FBXO11: variants seen among roughly 807,000 people sequenced by gnomAD.
The protein encoded by FBXO11 is F-box only protein 11.
In FBXO11, 13 loss-of-function variants were observed where a neutral mutation model predicts 117.0. That is an observed-to-expected ratio of 0.11 (90% CI 0.07 to 0.18). FBXO11 has a LOEUF of 0.18. Ranked by LOEUF, FBXO11 falls within the 10% of genes least tolerant of loss-of-function variation. FBXO11 has a pLI of 1.00. For missense variants in FBXO11, 767 were observed against 1,164.4 expected, an observed-to-expected ratio of 0.66 and a Z score of 4.97; for synonymous variants, 490 against 380.5, an observed-to-expected ratio of 1.29 and a Z score of -3.35.
chr2:47,871,692 A>G (rs1675636887), intron 1 of FBXO11, among the ~76,000 whole-genome samples: 1 of 152,128 alleles, frequency 6.6e-6, no homozygotes, highest in Non-Finnish European at 1.5e-5. Context: ...TTTGATTTCC[A>G]GGAGTTCCTT....
chr2:47,874,324 AT>A (rs1200955380), intron 1 of FBXO11, among the ~76,000 whole-genome samples: 1 of 151,796 alleles, frequency 6.6e-6, no homozygotes, highest in East Asian at 1.9e-4. Context: ...TTTACTTCCT[AT>A]TCCCCCTTTT....
intron 1 of FBXO11, among the ~76,000 whole-genome samples, chr2:47,888,873 T>G (rs1677059754): frequency 6.6e-6 from 1 of 152,222 alleles, no homozygotes; most frequent in East Asian, 1.9e-4. Flanking sequence ...ACACATCTGC[T>G]TTTTTAAAAA....
Position 47,832,884 on chromosome 2 carries a change from A to C in FBXO11, c.1042-4T>G. On this transcript the variant is annotated splice_polypyrimidine_tract_variant and splice_region_variant and intron_variant, in intron 8 of 22. Coordinates refer to ENST00000403359, the MANE Select transcript of FBXO11 (RefSeq NM_001190274.2). The stretch of plus-strand genomic sequence containing the variant: ...CAGATTTGTCATCAGGGTTAAACTG[A>C]AAAGTAAAAATTTTGTTTGAAATAA... 1 of 1,613,260 alleles carries C rather than the reference A, an allele frequency of 6.2e-7. No homozygotes were observed. Among genetic ancestry groups the C allele is most frequent in the East Asian group, 2.2e-5 (1 of 44,852 alleles).
chr2:47,865,650 A>C (rs1234683748), intron 1 of FBXO11: 2 of 152,216 alleles, frequency 1.3e-5, no homozygotes, highest in Non-Finnish European at 2.9e-5. Context: ...TGGCAGATCT[A>C]ATTTTAATTA....
chr2:47,887,993 G>A (rs1449759168), intron 1 of FBXO11, among the ~76,000 whole-genome samples: 1 of 151,780 alleles, frequency 6.6e-6, no homozygotes, highest in East Asian at 1.9e-4. Flanking sequence ...GTTCCTGCTG[G>A]GTGAGAGAGT....
intron 1 of FBXO11, among the ~76,000 whole-genome samples, chr2:47,841,763 C>T (rs560345038): frequency 6.6e-6 from 1 of 151,886 alleles, no homozygotes; most frequent in Non-Finnish European, 1.5e-5. Flanking sequence ...GTCTCAGCCT[C>T]CTGAGTAGCT....
chr2:47,833,538 G>T (rs1279952774), intron 7 of FBXO11, among the ~76,000 whole-genome samples: 1 of 152,094 alleles, frequency 6.6e-6, no homozygotes, highest in Non-Finnish European at 1.5e-5. Context: ...GGCTGTAAAT[G>T]CAAATTTCAC....
At chr2:47,904,234 TCCG>T (rs770114887) in intron 1 of FBXO11, among the ~76,000 whole-genome samples, 7 of 152,190 alleles carry the variant, frequency 4.6e-5, no homozygotes, top group Non-Finnish European at 1.0e-4. Context: ...TTAACCTTAA[TCCG>T]CCAACTAAAA....
chr2:47,854,861 T>C (rs1233304293), intron 1 of FBXO11, among the ~76,000 whole-genome samples: 1 of 38,544 alleles, frequency 2.6e-5, no homozygotes, highest in African/African-American at 5.9e-5. Context: ...GTTTTTTTTT[T>C]TGTTTTTTTT....
intron 1 of FBXO11, among the ~76,000 whole-genome samples, chr2:47,872,641 AGACATT>A (rs1190779876): frequency 6.6e-6 from 1 of 152,190 alleles, no homozygotes; most frequent in African/African-American, 2.4e-5. Flanking sequence ...CATTATTAAT[AGACATT>A]AAGACATTAT....
Position 47,810,382 on chromosome 2 carries a change from C to T in FBXO11, c.2272G>A (p.Val758Ile). The change falls in exon 19 of 23, where the codon GTT (valine) becomes ATT (isoleucine). Residue 758 changes from valine (V) to isoleucine (I), a missense_variant. This residue lies in a region of FBXO11 where 42 missense variants were observed against 216.8 expected (regional missense o/e 0.19). Coordinates refer to ENST00000403359, the MANE Select transcript of FBXO11 (RefSeq NM_001190274.2). Reference protein sequence around the residue: ...NDIFRNAQAGVLISTNSHPIL... With the variant: ...NDIFRNAQAGILISTNSHPIL... ...GGATGACTATTAGTGCTGATGAGAA[C>T]ACCTGCTTGAGCATTCCTGAAAATA... 6.2e-7 allele frequency: 1 copy of T among 1,611,544 alleles called. No individual in the cohort carries two copies. Among genetic ancestry groups the T allele is most frequent in the Non-Finnish European group, 8.5e-7 (1 of 1,179,100 alleles).
intron 1 of FBXO11, among the ~76,000 whole-genome samples, chr2:47,871,631 C>T (rs868835598): frequency 2.0e-5 from 3 of 152,108 alleles, no homozygotes; most frequent in Non-Finnish European, 2.9e-5. Context: ...CCATAAACCG[C>T]CTATTTAGAA....
intron 21 of FBXO11, chr2:47,808,651 G>C (rs1044716944): frequency 1.6e-5 from 7 of 442,010 alleles, no homozygotes; most frequent in Non-Finnish European, 2.8e-5. Flanking sequence ...ATTGTATAAA[G>C]GCAGTTCTTT....
In FBXO11 at chr2:47,818,772, C is replaced by A; in HGVS notation, c.2006+7G>T. On this transcript the variant is annotated splice_region_variant and intron_variant, in intron 16 of 22. Transcript: ENST00000403359. ...CCCAAAAGATAGCCAAATATGAAAA[C>A]ATTTACCTTATCTGAACCCCTGAAT... 2 of 1,569,860 alleles carry A rather than the reference C, an allele frequency of 1.3e-6. No individual in the cohort carries two copies. The highest frequency in any genetic ancestry group is 2.1e-5 in the Admixed American group (1 of 47,556).
chr2:47,816,394 T>G (rs1211710806), intron 16 of FBXO11, among the ~76,000 whole-genome samples: 1 of 152,130 alleles, frequency 6.6e-6, no homozygotes, highest in Non-Finnish European at 1.5e-5. Context: ...TTGCCCAGGC[T>G]GATCTTGAAC....
At chr2:47,900,208 TTAA>T (rs1427171471) in intron 1 of FBXO11, among the ~76,000 whole-genome samples, 2 of 152,202 alleles carry the variant, frequency 1.3e-5, no homozygotes, top group South Asian at 4.1e-4. Flanking sequence ...GTTCCAAGCT[TTAA>T]GAAAATAGGC....
In FBXO11 at chr2:47,808,370, C is replaced by T; in HGVS notation, c.2613G>A (p.Lys871=). 1 of 1,612,164 alleles carries T rather than the reference C, an allele frequency of 6.2e-7. No individual in the cohort carries two copies. The highest frequency in any genetic ancestry group is 8.5e-7 in the Non-Finnish European group (1 of 1,179,002). The change falls in exon 22 of 23, where the codon AAG becomes AAA. Residue 871 remains lysine, a synonymous_variant. Coordinates refer to ENST00000403359, the MANE Select transcript of FBXO11 (RefSeq NM_001190274.2). The stretch of plus-strand genomic sequence containing the variant: ...ACTCTACATCATGTCCCTGATGGCA[C>T]TTCTTAATGCAGTTCACACATATGG... The part of the protein sequence containing the change: ...RNAICVNCIK[K]CHQGHDVEFI...
chr2:47,886,762 A>T (rs963408865), intron 1 of FBXO11, among the ~76,000 whole-genome samples: 1 of 152,232 alleles, frequency 6.6e-6, no homozygotes, highest in Non-Finnish European at 1.5e-5. Flanking sequence ...CTTAGGTTAC[A>T]AAATAATACA....
At chr2:47,850,135 C>G (rs983839703) in intron 1 of FBXO11, among the ~76,000 whole-genome samples, 5 of 152,038 alleles carry the variant, frequency 3.3e-5, no homozygotes, top group African/African-American at 1.2e-4. Flanking sequence ...AGATAAAGCT[C>G]ATAAAACTTG....
Sources: allele counts gnomAD v4.1 joint callset (sites outside exome capture counted in the v4.1 genomes callset), GRCh38; gene constraint gnomAD v4.1.1; regional missense constraint gnomAD v4.1.1; transcripts MANE v1.5; gene names NCBI Gene and HGNC (gene_info 2026-07-23, HGNC 2026-07-21).